RNF144A: variants seen among roughly 807,000 people sequenced by gnomAD.
RNF144A encodes the protein ring finger protein 144A, also known as E3 ubiquitin-protein ligase RNF144A.
Under a neutral mutation model 38.7 loss-of-function variants are expected in RNF144A, and 11 were observed. The observed-to-expected ratio is 0.28, with a 90% CI of 0.18 to 0.47. The LOEUF (loss-of-function observed/expected upper bound fraction) is 0.47. RNF144A is among the 20% of genes least tolerant of loss of function. The pLI, the probability that RNF144A is intolerant of heterozygous loss-of-function variation, is 0.99. For missense variants in RNF144A, 316 were observed against 377.2 expected (o/e 0.84, Z 1.34); for synonymous variants, 149 against 143.9 (o/e 1.04, Z -0.25).
chr2:6,965,802 A>G lies in RNF144A; in HGVS notation c.-12+24655A>G, dbSNP rs141457933. Among the ~76,000 whole-genome samples the G allele has an allele frequency of 2.6e-5, 4 of 152,244 alleles. No homozygotes were observed. In the East Asian group the frequency reaches 7.7e-4, roughly 29 times the overall value. On this transcript the variant is annotated intron_variant, in intron 2 of 8. Coordinates refer to ENST00000320892, the MANE Select transcript of RNF144A (RefSeq NM_014746.6). The stretch of plus-strand genomic sequence containing the variant: ...TCTCTCTTTTACCTACTAGATTGCT[A>G]TGCTGTTTGTATTTGGTGAAGAGAC...
intron 7 of RNF144A, among the ~76,000 whole-genome samples, chr2:7,026,972 GA>G (rs1162635953): frequency 6.6e-6 from 1 of 152,232 alleles, no homozygotes; most frequent in African/African-American, 2.4e-5. Context: ...ATGTGAAGGA[GA>G]GGGAGTCTAC....
intron 2 of RNF144A, among the ~76,000 whole-genome samples, chr2:6,959,955 C>T (rs1183413407): frequency 6.6e-6 from 1 of 152,222 alleles, no homozygotes; most frequent in African/African-American, 2.4e-5. Flanking sequence ...CAAGGGGCTA[C>T]CTGTCCCTGC....
chr2:7,040,283 C>A lies in RNF144A; in HGVS notation c.*523C>A. ...TTTCCAACTGAGTAGTGAAAATCAACAAGGTGCATATAAACCATCCTATGC... is the reference window on the plus strand; with the variant it reads ...TTTCCAACTGAGTAGTGAAAATCAAAAAGGTGCATATAAACCATCCTATGC... On this transcript the variant is annotated 3_prime_UTR_variant, in exon 9 of 9. Coordinates refer to ENST00000320892, the MANE Select transcript of RNF144A (RefSeq NM_014746.6). The A allele has an allele frequency of 1.0e-6, 1 of 985,618 alleles. No homozygotes were observed. Among genetic ancestry groups the A allele is most frequent in the Non-Finnish European group, 1.2e-6 (1 of 830,134 alleles). The allele number at this position is 985,618 out of a possible 1,614,324, so 61.1% of individuals were successfully genotyped here.
chr2:7,040,432 CT>C lies in RNF144A; in HGVS notation c.*673del. On this transcript the variant is annotated 3_prime_UTR_variant, in exon 9 of 9. Coordinates refer to ENST00000320892, the MANE Select transcript of RNF144A (RefSeq NM_014746.6). ...GTAGTAACTTTTTGAACGCTGTAAG[CT>C]GTGTACTGTTATAAGTGTGCTTCCT... The C allele has an allele frequency of 1.0e-6, 1 of 985,382 alleles. No homozygotes were observed. Among genetic ancestry groups the C allele is most frequent in the Non-Finnish European group, 1.2e-6 (1 of 829,940 alleles). 61.0% of individuals were successfully genotyped at this position (985,382 alleles called of 1,614,324 possible).
chr2:6,939,022 A>G (rs1216981090), intron 1 of RNF144A, among the ~76,000 whole-genome samples: 2 of 151,896 alleles, frequency 1.3e-5, no homozygotes, highest in African/African-American at 2.4e-5. Context: ...TTTGGCTATT[A>G]TGAATAATGC....
At chr2:6,946,572 AT>A (rs1448302763) in intron 2 of RNF144A, among the ~76,000 whole-genome samples, 1 of 152,112 alleles carries the variant, frequency 6.6e-6, no homozygotes, top group East Asian at 1.9e-4. Context: ...ATTTCTTTGA[AT>A]TTAAAAATAA....
chr2:6,939,721 A>G (rs565912454), intron 1 of RNF144A, among the ~76,000 whole-genome samples: 6 of 152,250 alleles, frequency 3.9e-5, no homozygotes, highest in South Asian at 2.1e-4. Flanking sequence ...ATTTAGGTCT[A>G]TGATTCATTT....
intron 6 of RNF144A, among the ~76,000 whole-genome samples, chr2:7,056,599 C>A (rs573678884): frequency 6.6e-6 from 1 of 152,320 alleles, no homozygotes; most frequent in South Asian, 2.1e-4. Context: ...ATGGTTCCTG[C>A]AGCACTGGCC....
At chr2:6,986,440 G>C (rs959993745) in intron 2 of RNF144A, among the ~76,000 whole-genome samples, 1 of 152,102 alleles carries the variant, frequency 6.6e-6, no homozygotes, top group African/African-American at 2.4e-5. Flanking sequence ...ATTGTGCCGG[G>C]CCTGCCCCCT....
At chr2:6,971,784 C>G (rs753932096) in intron 2 of RNF144A, among the ~76,000 whole-genome samples, 17 of 152,048 alleles carry the variant, frequency 1.1e-4, no homozygotes, top group Admixed American at 1.0e-3. Context: ...GGCATGGATT[C>G]AACTCCCAGT....
At chr2:6,937,653 A>G (rs1161760053) in intron 1 of RNF144A, among the ~76,000 whole-genome samples, 2 of 152,224 alleles carry the variant, frequency 1.3e-5, no homozygotes, top group Non-Finnish European at 2.9e-5. Context: ...AACAAAGTGG[A>G]TACCATTTTC....
At chr2:7,011,621 A>T (rs557803314) in intron 3 of RNF144A, among the ~76,000 whole-genome samples, 1 of 152,308 alleles carries the variant, frequency 6.6e-6, no homozygotes, top group South Asian at 2.1e-4. Flanking sequence ...CTTAGAAAGC[A>T]TTTGTCTACT....
intron 3 of RNF144A, among the ~76,000 whole-genome samples, chr2:7,002,049 G>C (rs11685858): frequency 0.55 from 84,250 of 152,022 alleles, 24,478 homozygotes; most frequent in African/African-American, 0.72. Context: ...CAAGATCATT[G>C]ACCTGGTATG....
At chr2:7,011,233 C>T (rs1572397208) in intron 3 of RNF144A, among the ~76,000 whole-genome samples, 2 of 152,256 alleles carry the variant, frequency 1.3e-5, no homozygotes, top group East Asian at 3.9e-4. Flanking sequence ...AGCAGCTCAG[C>T]GTATTCATCA....
intron 2 of RNF144A, among the ~76,000 whole-genome samples, chr2:6,948,493 A>G (rs716896): frequency 0.68 from 103,260 of 152,174 alleles, 38,290 homozygotes; most frequent in Non-Finnish European, 0.83. Flanking sequence ...GGTGCTTCCC[A>G]TCATCCAGCT....
intron 2 of RNF144A, among the ~76,000 whole-genome samples, chr2:6,993,771 A>G (rs1328887597): frequency 6.6e-6 from 1 of 152,170 alleles, no homozygotes; most frequent in Admixed American, 6.5e-5. Context: ...TAATTTCACC[A>G]TATGATATCT....
At chr2:6,957,930 G>A (rs1667113406) in intron 2 of RNF144A, among the ~76,000 whole-genome samples, 2 of 152,212 alleles carry the variant, frequency 1.3e-5, no homozygotes, top group African/African-American at 4.8e-5. Flanking sequence ...TTAGCAGCTT[G>A]GTGTGAGGCT....
At chr2:6,940,631 T>C (rs530507586) in intron 1 of RNF144A, among the ~76,000 whole-genome samples, 1 of 152,310 alleles carries the variant, frequency 6.6e-6, no homozygotes, top group Non-Finnish European at 1.5e-5. Context: ...GACTTGCACC[T>C]CTCTCTATAG....
chr2:7,006,715 C>T (rs1297863496), intron 3 of RNF144A, among the ~76,000 whole-genome samples: 1 of 152,170 alleles, frequency 6.6e-6, no homozygotes, highest in Non-Finnish European at 1.5e-5. Context: ...TCCTCCCTTC[C>T]CTGTCCATGG....
Sources: gnomAD v4.1 joint callset for allele counts (sites outside exome capture counted in the v4.1 genomes callset) on GRCh38, gnomAD v4.1.1 for gene constraint, MANE v1.5 for transcripts, NCBI Gene and HGNC (gene_info 2026-07-23, HGNC 2026-07-21) for gene names.